Variants in ST6GAL2 observed in about 807,000 individuals in gnomAD.
ST6GAL2 encodes the protein beta-galactoside alpha-2,6-sialyltransferase 2.
Under a neutral mutation model 37.5 loss-of-function variants are expected in ST6GAL2, and 24 were observed. That is an observed-to-expected ratio of 0.64 (90% CI 0.46 to 0.90). ST6GAL2 has a LOEUF of 0.90. Among genes scored for constraint, ST6GAL2 ranks in the 40% least tolerant of loss-of-function variants. The probability of loss-of-function intolerance (pLI) is 0.00; values close to 1 mark genes in which losing one functional copy is unlikely to be tolerated. For missense variants in ST6GAL2, 715 were observed against 712.7 expected (o/e 1.00, Z -0.04); for synonymous variants, 306 against 295.1 (o/e 1.04, Z -0.38).
chr2:106,836,404 G>A (rs1050830860), intron 2 of ST6GAL2, among the ~76,000 whole-genome samples: 4 of 152,080 alleles, frequency 2.6e-5, no homozygotes, highest in East Asian at 1.9e-4. Context: ...GTTTCTTAGG[G>A]TTGGTTACAA....
intron 4 of ST6GAL2, 52 bp downstream of exon 4, chr2:106,832,513 G>T: frequency 1.1e-6 from 1 of 940,490 alleles, no homozygotes; most frequent in Non-Finnish European, 1.6e-6. Flanking sequence ...TGATTAATTA[G>T]TCAAAGCCAT....
intron 1 of ST6GAL2, among the ~76,000 whole-genome samples, chr2:106,884,930 T>TACACAC (rs1305450578): frequency 8.0e-6 from 1 of 124,384 alleles, no homozygotes; most frequent in African/African-American, 3.5e-5. Flanking sequence ...TATATATATA[T>TACACAC]ATATACATAC....
At position 106,854,245 on chromosome 2, in the gene ST6GAL2, G is replaced by T. The variant is rs7563685; in HGVS notation, c.-57-10211C>A. On this transcript the variant is annotated intron_variant, in intron 1 of 5. Coordinates refer to ENST00000409382, the MANE Select transcript of ST6GAL2 (RefSeq NM_001142351.2). ...ATTCTGAGGAGTAAAGGCCATGCAC[G>T]GTTGACCAGAAAGCCCTGTTGGCAC... Among the ~76,000 whole-genome samples the T allele has an allele frequency of 2.0e-5, 3 of 152,010 alleles. No homozygotes were observed. In the South Asian group the frequency reaches 6.2e-4, roughly 32 times the overall value.
chr2:106,887,162 G>T (rs1679039919), upstream of ST6GAL2: 1 of 152,502 alleles, frequency 6.6e-6, no homozygotes, highest in African/African-American at 2.4e-5. Flanking sequence ...GGAAGGCCGG[G>T]CTACCTGCGC....
Position 106,804,192 on chromosome 2 carries a change from A to T in ST6GAL2, c.*2486T>A, listed in dbSNP as rs778026231. 6.6e-6 allele frequency: 1 copy of T among 152,204 alleles called. No homozygotes were observed. The highest frequency in any genetic ancestry group is 1.5e-5 in the Non-Finnish European group (1 of 68,034). The allele number at this position is 152,204 out of a possible 1,614,324, so 9.4% of individuals were successfully genotyped here. On this transcript the variant is annotated 3_prime_UTR_variant, in exon 6 of 6. Coordinates refer to ENST00000409382, the MANE Select transcript of ST6GAL2 (RefSeq NM_001142351.2). ...TAACCTCAATGAAACTGAAAGTACT[A>T]TTTTAAAAGTACAATGACTACGACA... is the stretch of plus-strand genomic sequence containing the variant.
At chr2:106,844,894 A>G (rs775135443) in intron 1 of ST6GAL2, among the ~76,000 whole-genome samples, 3 of 152,222 alleles carry the variant, frequency 2.0e-5, no homozygotes, top group Non-Finnish European at 2.9e-5. Flanking sequence ...ATTGCAACTA[A>G]TATGTATTGC....
At chr2:106,835,176 T>C (rs527660111) in intron 2 of ST6GAL2, among the ~76,000 whole-genome samples, 2 of 152,308 alleles carry the variant, frequency 1.3e-5, no homozygotes, top group African/African-American at 4.8e-5. Context: ...CTAAGGGCCA[T>C]CTTTAGCTTT....
intron 1 of ST6GAL2, among the ~76,000 whole-genome samples, chr2:106,851,982 C>T (rs1396892335): frequency 6.6e-6 from 1 of 152,154 alleles, no homozygotes; most frequent in East Asian, 1.9e-4. Context: ...GAAGATACCT[C>T]CCTCAGCTGG....
At chr2:106,866,979 A>C (rs1239684064) in intron 1 of ST6GAL2, among the ~76,000 whole-genome samples, 4 of 152,168 alleles carry the variant, frequency 2.6e-5, no homozygotes, top group Non-Finnish European at 5.9e-5. Context: ...ATAACAGAAA[A>C]AAACATACCA....
chr2:106,885,408 T>C (rs1678936512), intron 1 of ST6GAL2, among the ~76,000 whole-genome samples: 2 of 152,138 alleles, frequency 1.3e-5, no homozygotes, highest in South Asian at 2.1e-4. Flanking sequence ...AATATGGTAC[T>C]AGGAGGAGAG....
At chr2:106,832,423 G>T (rs1676458725) in intron 4 of ST6GAL2, 142 bp downstream of exon 4, 10 of 540,234 alleles carry the variant, frequency 1.9e-5, no homozygotes, top group Non-Finnish European at 3.3e-5. Flanking sequence ...GTATCAACGT[G>T]GTGTTCACAA....
At chr2:106,810,013 G>T (rs142387309) in intron 5 of ST6GAL2, among the ~76,000 whole-genome samples, 54 of 152,294 alleles carry the variant, frequency 3.5e-4, no homozygotes, top group African/African-American at 1.3e-3. Context: ...TAGGTAGCAA[G>T]ACATTCTGCA....
intron 1 of ST6GAL2, among the ~76,000 whole-genome samples, chr2:106,850,127 G>A (rs1677297824): frequency 6.6e-6 from 1 of 152,116 alleles, no homozygotes; most frequent in Admixed American, 6.5e-5. Context: ...TCCATTATAT[G>A]AAAACGCCTA....
chr2:106,867,472 G>T (rs921277296), intron 1 of ST6GAL2, among the ~76,000 whole-genome samples: 5 of 152,052 alleles, frequency 3.3e-5, no homozygotes, highest in Non-Finnish European at 7.4e-5. Context: ...TCTGTGCCAG[G>T]GACATCTAAC....
chr2:106,821,077 G>A (rs1485757981), intron 5 of ST6GAL2, among the ~76,000 whole-genome samples: 1 of 151,776 alleles, frequency 6.6e-6, no homozygotes, highest in South Asian at 2.1e-4. Context: ...ACCAAATGAT[G>A]TATCTTTAAA....
chr2:106,843,084 G>C lies in ST6GAL2; in HGVS notation c.894C>G (p.Val298=). ...TGAGGATTGCGCCTGCAGACATGAC[G>C]ACAGCGCAGCTGCGCAGGCCGCGGG... ...LHPRGLRSCA[V]VMSAGAILNS... Residue 298 remains valine, a synonymous_variant, in exon 2 of 6, where the codon GTC becomes GTG. Transcript: ENST00000409382. The C allele has an allele frequency of 2.7e-6, 4 of 1,505,248 alleles. No homozygotes were observed. Among genetic ancestry groups the C allele is most frequent in the Non-Finnish European group, 3.5e-6 (4 of 1,131,726 alleles). The allele number at this position is 1,505,248 out of a possible 1,614,324, so 93.2% of individuals were successfully genotyped here.
chr2:106,882,450 T>C (rs1678792308), intron 1 of ST6GAL2, among the ~76,000 whole-genome samples: 1 of 152,188 alleles, frequency 6.6e-6, no homozygotes, highest in Admixed American at 6.5e-5. Context: ...ACTTTGATAA[T>C]CTGTGCAAAG....
At chr2:106,828,758 A>G (rs980193353) in intron 5 of ST6GAL2, among the ~76,000 whole-genome samples, 8 of 152,232 alleles carry the variant, frequency 5.3e-5, no homozygotes, top group Non-Finnish European at 5.9e-5. Context: ...CTTTAAAGAC[A>G]AAACCAATAT....
intron 1 of ST6GAL2, among the ~76,000 whole-genome samples, chr2:106,874,131 A>G (rs1678397202): frequency 6.6e-6 from 1 of 152,200 alleles, no homozygotes; most frequent in African/African-American, 2.4e-5. Context: ...GGCTGCCTGC[A>G]AGGAACTTAC....
Sources: allele counts gnomAD v4.1 joint callset (sites outside exome capture counted in the v4.1 genomes callset), GRCh38; gene constraint gnomAD v4.1.1; transcripts MANE v1.5; gene names NCBI Gene and HGNC (gene_info 2026-07-23, HGNC 2026-07-21).